AKAP6: variants seen among roughly 807,000 people sequenced by gnomAD.
AKAP6 encodes the protein A-kinase anchor protein 6.
A neutral mutation model predicts 188.5 loss-of-function variants in AKAP6; 58 were observed. The observed-to-expected ratio is 0.31, with a 90% confidence interval of 0.25 to 0.38. The LOEUF (loss-of-function observed/expected upper bound fraction) is 0.38. Ranked by LOEUF, AKAP6 falls within the 10% of genes least tolerant of loss-of-function variation. The pLI is 1.00. For missense variants in AKAP6, 2,710 were observed against 2,740.0 expected, an observed-to-expected ratio of 0.99 and a Z score of 0.24; for synonymous variants, 989 against 998.6, an observed-to-expected ratio of 0.99 and a Z score of 0.18.
chr14:32,501,338 A>G (rs1880601148), intron 2 of AKAP6, among the ~76,000 whole-genome samples: 1 of 152,162 alleles, frequency 6.6e-6, no homozygotes. Flanking sequence ...ACCACATTGG[A>G]CAGTACAGAT....
Position 32,460,234 on chromosome 14 carries a change from T to C in AKAP6, c.324+26417T>C, listed in dbSNP as rs1320132544. ...TGAAACTCTACAGGACAAACAACCC[T>C]GTTTCTTCAACAAAATTTCCAGGAT... On this transcript the variant is annotated intron_variant, in intron 2 of 13. Transcript: ENST00000280979. 2.0e-5 allele frequency among the ~76,000 whole-genome samples: 3 copies of C among 152,250 alleles called. No individual in the cohort carries two copies. The East Asian group carries it at 5.8e-4, about 29-fold the overall frequency.
intron 4 of AKAP6, among the ~76,000 whole-genome samples, chr14:32,574,812 T>C (rs1015007651): frequency 2.6e-5 from 4 of 152,212 alleles, no homozygotes; most frequent in African/African-American, 9.6e-5. Flanking sequence ...AATTCTGCTT[T>C]TCTGACTAGC....
intron 9 of AKAP6, among the ~76,000 whole-genome samples, chr14:32,728,211 T>A (rs2030974213): frequency 7.5e-6 from 1 of 133,626 alleles, no homozygotes; most frequent in Non-Finnish European, 1.5e-5. Flanking sequence ...TTTTTTTTTT[T>A]TTTTTTTTTT....
At chr14:32,498,072 A>C (rs1284379464) in intron 2 of AKAP6, among the ~76,000 whole-genome samples, 3 of 152,206 alleles carry the variant, frequency 2.0e-5, no homozygotes, top group African/African-American at 7.2e-5. Flanking sequence ...TATAAGTAGA[A>C]TTCACTGATA....
At chr14:32,552,732 T>G (rs1883530928) in intron 4 of AKAP6, among the ~76,000 whole-genome samples, 1 of 152,196 alleles carries the variant, frequency 6.6e-6, no homozygotes, top group Admixed American at 6.5e-5. Flanking sequence ...TCAAAAGTCT[T>G]TTTTAAAAAA....
chr14:32,422,135 A>G (rs1338711530), intron 1 of AKAP6, among the ~76,000 whole-genome samples: 4 of 152,204 alleles, frequency 2.6e-5, no homozygotes, highest in Non-Finnish European at 5.9e-5. Context: ...AAAAATCAAG[A>G]TTAATCTTCT....
chr14:32,352,375 G>A (rs1239636913), intron 1 of AKAP6, among the ~76,000 whole-genome samples: 1 of 151,766 alleles, frequency 6.6e-6, no homozygotes, highest in Non-Finnish European at 1.5e-5. Context: ...GGTATTTAAG[G>A]CATCCATCAT....
At chr14:32,622,513 C>G (rs1461123126) in intron 7 of AKAP6, among the ~76,000 whole-genome samples, 2 of 151,990 alleles carry the variant, frequency 1.3e-5, no homozygotes, top group Non-Finnish European at 2.9e-5. Context: ...CCCTAGGGAC[C>G]AGGAAGTTAA....
intron 2 of AKAP6, among the ~76,000 whole-genome samples, chr14:32,440,663 TTG>T (rs1255661875): frequency 6.6e-6 from 1 of 152,202 alleles, no homozygotes; most frequent in East Asian, 1.9e-4. Context: ...CTGGTGCTGT[TTG>T]TGTAACATTA....
chr14:32,595,186 T>C (rs1322477961), intron 5 of AKAP6, among the ~76,000 whole-genome samples: 2 of 152,086 alleles, frequency 1.3e-5, no homozygotes, highest in Non-Finnish European at 2.9e-5. Flanking sequence ...ATGCAACAGC[T>C]AGAAAGATTT....
At chr14:32,722,273 A>G (rs1472280533) in intron 9 of AKAP6, among the ~76,000 whole-genome samples, 1 of 152,128 alleles carries the variant, frequency 6.6e-6, no homozygotes, top group Non-Finnish European at 1.5e-5. Context: ...TGGAAAATGG[A>G]ATGCAAGCAG....
intron 1 of AKAP6, chr14:32,385,097 G>C (rs993435994): frequency 6.6e-6 from 1 of 151,220 alleles, no homozygotes; most frequent in African/African-American, 2.4e-5. Context: ...CGCTGGTCTT[G>C]CTTGGCCTTC....
At position 32,824,136 on chromosome 14, in the gene AKAP6, A is replaced by G. The variant is rs769540910; in HGVS notation, c.6323A>G (p.Asp2108Gly). 8.7e-6 allele frequency: 14 copies of G among 1,613,752 alleles called. No homozygotes were observed. The South Asian group carries it at 1.4e-4, about 16-fold the overall frequency. The change falls in exon 13 of 14, where the codon GAC becomes GGC. Residue 2108 changes from aspartate (D) to glycine (G), a missense_variant. Physicochemically the swap from Asp to Gly is moderately conservative, Grantham distance 94 (BLOSUM62 -1). Transcript: ENST00000280979. Reference sequence around the variant, plus strand: ...CGGCCCATCCAGCTGAGAAAAGGGGACTTTTATTCGTACTTATCTCTCTCA... The same window carrying G: ...CGGCCCATCCAGCTGAGAAAAGGGGGCTTTTATTCGTACTTATCTCTCTCA... Reference protein sequence around the residue: ...SHRPIQLRKGDFYSYLSLSSH... With the variant: ...SHRPIQLRKGGFYSYLSLSSH...
chr14:32,625,934 A>G (rs1291923891), intron 7 of AKAP6, among the ~76,000 whole-genome samples: 2 of 152,172 alleles, frequency 1.3e-5, no homozygotes, highest in African/African-American at 4.8e-5. Context: ...TACAGAGGCC[A>G]AAAGGGACTA....
intron 7 of AKAP6, among the ~76,000 whole-genome samples, chr14:32,616,044 A>C (rs1886564399): frequency 6.6e-6 from 1 of 152,200 alleles, no homozygotes; most frequent in African/African-American, 2.4e-5. Flanking sequence ...TCTATAAATC[A>C]TTGATTGGTG....
chr14:32,790,871 TG>T (rs2033588076), intron 12 of AKAP6, among the ~76,000 whole-genome samples: 1 of 152,216 alleles, frequency 6.6e-6, no homozygotes, highest in Non-Finnish European at 1.5e-5. Context: ...ATGTGGTTTT[TG>T]GTTTCCTGTT....
At chr14:32,613,778 T>A (rs779989409) in intron 7 of AKAP6, among the ~76,000 whole-genome samples, 10 of 152,154 alleles carry the variant, frequency 6.6e-5, no homozygotes, top group Non-Finnish European at 2.9e-5. Flanking sequence ...TTGTTCCTCT[T>A]CTTAACGAGC....
intron 2 of AKAP6, among the ~76,000 whole-genome samples, chr14:32,504,597 T>C (rs1880772111): frequency 6.6e-6 from 1 of 152,216 alleles, no homozygotes; most frequent in Admixed American, 6.5e-5. Context: ...GATATTAATT[T>C]TTTATTCCAT....
At chr14:32,687,466 T>TC (rs1405574639) in intron 8 of AKAP6, among the ~76,000 whole-genome samples, 5 of 150,548 alleles carry the variant, frequency 3.3e-5, no homozygotes, top group Non-Finnish European at 5.9e-5. Context: ...TTTTTTTTTT[T>TC]CTCTCTCTCT....
Sources: allele counts gnomAD v4.1 joint callset (sites outside exome capture counted in the v4.1 genomes callset), GRCh38; gene constraint gnomAD v4.1.1; transcripts MANE v1.5; gene names NCBI Gene and HGNC (gene_info 2026-07-23, HGNC 2026-07-21).